Variants in DPP6 observed in about 807,000 individuals in gnomAD.
The protein encoded by DPP6 is dipeptidyl peptidase like 6.
DPP6 carries 69 observed loss-of-function variants against 122.6 expected under a neutral mutation model. That is an observed-to-expected ratio of 0.56 (90% CI 0.46 to 0.69). The LOEUF is 0.69. Among genes scored for constraint, DPP6 ranks in the 30% least tolerant of loss-of-function variants. The pLI is 0.00. For missense variants in DPP6, 928 were observed against 1,116.9 expected, an observed-to-expected ratio of 0.83 and a Z score of 2.41; for synonymous variants, 418 against 433.1, an observed-to-expected ratio of 0.97 and a Z score of 0.43.
intron 5 of DPP6, among the ~76,000 whole-genome samples, chr7:154,590,435 C>T (rs996941693): frequency 2.0e-5 from 3 of 150,750 alleles, no homozygotes; most frequent in African/African-American, 4.9e-5. Context: ...ACATTTAATG[C>T]GTTCTCAGCA....
the DPP6 span, among the ~76,000 whole-genome samples, chr7:153,799,069 C>T: frequency 3.9e-5 from 6 of 152,162 alleles, no homozygotes; most frequent in African/African-American, 7.2e-5. Context: ...AGGAGGTGTG[C>T]GGCCCTAGAC....
At position 153,887,446 on chromosome 7, in the gene DPP6, CTT is replaced by C. The variant is rs1433578603; in HGVS notation, c.-236_-235del. ...CCCACCCTCCATCCAGGCTTTTTTT[CTT>C]TCTTTCTTTATTGGTAGCGGCCAAA... is the stretch of plus-strand genomic sequence containing the variant. On this transcript the variant is annotated 5_prime_UTR_variant, in exon 1 of 26. Transcript: ENST00000404039. 8 of 449,476 alleles carry C rather than the reference CTT, an allele frequency of 1.8e-5. No individual in the cohort carries two copies. The Admixed American group carries it at 2.7e-4, about 15-fold the overall frequency. The allele number at this position is 449,476 out of a possible 1,614,324, so 27.8% of individuals were successfully genotyped here.
intron 17 of DPP6, among the ~76,000 whole-genome samples, chr7:154,856,816 G>A (rs868647098): frequency 1.5e-4 from 23 of 152,366 alleles, no homozygotes; most frequent in Non-Finnish European, 2.9e-4. Flanking sequence ...CTGAAGCAAA[G>A]AGATGGGACC....
chr7:153,765,972 G>T, the DPP6 span, among the ~76,000 whole-genome samples: 1 of 152,174 alleles, frequency 6.6e-6, no homozygotes, highest in Non-Finnish European at 1.5e-5. Flanking sequence ...GTCTAGGGTG[G>T]AGCCCAAGAT....
At chr7:154,891,728 G>T (rs1159696162) in intron 25 of DPP6, among the ~76,000 whole-genome samples, 2 of 152,138 alleles carry the variant, frequency 1.3e-5, no homozygotes, top group African/African-American at 4.8e-5. Context: ...TGGGATTACA[G>T]GCACGCCCCA....
intron 1 of DPP6, among the ~76,000 whole-genome samples, chr7:153,957,885 C>T (rs377182557): frequency 4.6e-5 from 7 of 152,248 alleles, no homozygotes; most frequent in Admixed American, 1.3e-4. Flanking sequence ...AAAAATTGCT[C>T]GGGCGCGGTG....
intron 1 of DPP6, among the ~76,000 whole-genome samples, chr7:153,895,655 C>A (rs957313677): frequency 1.3e-5 from 2 of 151,928 alleles, no homozygotes; most frequent in Non-Finnish European, 2.9e-5. Flanking sequence ...AGCATTCATG[C>A]ACCAGCCTTG....
intron 5 of DPP6, among the ~76,000 whole-genome samples, chr7:154,630,448 G>A (rs1835337025): frequency 6.6e-6 from 1 of 152,214 alleles, no homozygotes; most frequent in Non-Finnish European, 1.5e-5. Context: ...TAAGCAAGGG[G>A]AATGGCTGAT....
chr7:154,256,783 G>A lies in DPP6; in HGVS notation c.244-189431G>A, dbSNP rs138980080. On this transcript the variant is annotated intron_variant, in intron 1 of 25. Transcript: ENST00000377770. ...CTTGATGAACACTTGCTAACCCCAA[G>A]GCATTCATTTACTGGAGCAAGGTTT... Among the ~76,000 whole-genome samples, 4 of 152,260 alleles carry A rather than the reference G, an allele frequency of 2.6e-5. No homozygotes were observed. The East Asian group carries it at 7.7e-4, about 29-fold the overall frequency.
intron 8 of DPP6, among the ~76,000 whole-genome samples, chr7:154,749,783 A>G (rs62475819): frequency 8.9e-4 from 43 of 48,408 alleles, no homozygotes; most frequent in Admixed American, 1.5e-3. Flanking sequence ...AGAGGGTGAG[A>G]GAGCATAGGA....
At chr7:154,018,949 C>T (rs558191430) in intron 1 of DPP6, among the ~76,000 whole-genome samples, 12 of 152,238 alleles carry the variant, frequency 7.9e-5, no homozygotes, top group African/African-American at 2.9e-4. Context: ...GTTTTAAGTA[C>T]AGCCCTTAGT....
At chr7:154,422,407 G>A (rs561982459) in intron 1 of DPP6, among the ~76,000 whole-genome samples, 119 of 152,186 alleles carry the variant, frequency 7.8e-4, no homozygotes, top group Admixed American at 1.4e-3. Context: ...ATTTGTTTGG[G>A]GATGCTTTTA....
At chr7:154,338,867 C>T (rs912304562) in intron 1 of DPP6, among the ~76,000 whole-genome samples, 1 of 152,208 alleles carries the variant, frequency 6.6e-6, no homozygotes, top group Non-Finnish European at 1.5e-5. Flanking sequence ...TGGAACCCCC[C>T]TGCATGGCGG....
At chr7:154,082,909 T>C (rs1488060234) in intron 1 of DPP6, among the ~76,000 whole-genome samples, 1 of 146,442 alleles carries the variant, frequency 6.8e-6, no homozygotes, top group African/African-American at 2.5e-5. Context: ...AGTGCAGTGG[T>C]GTGATCTCAG....
chr7:154,462,239 T>C (rs1821360814), intron 2 of DPP6, among the ~76,000 whole-genome samples: 1 of 152,222 alleles, frequency 6.6e-6, no homozygotes, highest in African/African-American at 2.4e-5. Context: ...TTTATGCCAG[T>C]ACCATGCTGT....
intron 16 of DPP6, among the ~76,000 whole-genome samples, chr7:154,814,572 A>G (rs1356009612): frequency 2.6e-5 from 4 of 152,228 alleles, no homozygotes; most frequent in Admixed American, 6.5e-5. Flanking sequence ...CCATCTTTAA[A>G]GAAAAAAAGC....
chr7:154,124,264 G>A (rs1159224632), intron 1 of DPP6, among the ~76,000 whole-genome samples: 1 of 152,246 alleles, frequency 6.6e-6, no homozygotes, highest in Non-Finnish European at 1.5e-5. Flanking sequence ...ATCTGTGACA[G>A]AGCTGGTAGT....
chr7:154,063,017 C>G (rs1226678351), intron 1 of DPP6, among the ~76,000 whole-genome samples: 1 of 135,036 alleles, frequency 7.4e-6, no homozygotes, highest in Admixed American at 7.7e-5. Context: ...CCCCCTGGCT[C>G]TGAGGAACCC....
At chr7:154,372,674 A>G (rs1175420143) in intron 1 of DPP6, among the ~76,000 whole-genome samples, 2 of 152,242 alleles carry the variant, frequency 1.3e-5, no homozygotes, top group Non-Finnish European at 2.9e-5. Context: ...ATTTGCAAAC[A>G]GAAGCCAAAA....
Sources: gnomAD v4.1 joint callset for allele counts (sites outside exome capture counted in the v4.1 genomes callset) on GRCh38, gnomAD v4.1.1 for gene constraint, MANE v1.5 for transcripts, NCBI Gene and HGNC (gene_info 2026-07-23, HGNC 2026-07-21) for gene names.